Variants in TTC39C observed in about 807,000 individuals in gnomAD.
TTC39C encodes tetratricopeptide repeat domain 39C.
In TTC39C, 33 loss-of-function variants were observed where a neutral mutation model predicts 76.3. That is an observed-to-expected ratio of 0.43 (90% CI 0.33 to 0.58). The LOEUF is 0.58. TTC39C is among the 20% of genes least tolerant of loss of function. TTC39C has a pLI of 0.04. For missense variants in TTC39C, 595 were observed against 701.4 expected (o/e 0.85, Z 1.71); for synonymous variants, 254 against 260.6 (o/e 0.97, Z 0.24).
At chr18:24,002,690 C>T (rs1241461987) in intron 1 of TTC39C, among the ~76,000 whole-genome samples, 1 of 152,152 alleles carries the variant, frequency 6.6e-6, no homozygotes, top group Non-Finnish European at 1.5e-5. Flanking sequence ...AGAACTTGCT[C>T]TCCCTCTGCA....
At chr18:24,128,750 T>C (rs926753206) in intron 10 of TTC39C, 136 bp from the exon 11 acceptor site, 10 of 635,494 alleles carry the variant, frequency 1.6e-5, no homozygotes, top group Middle Eastern at 3.2e-4. Context: ...ACATAACTTC[T>C]TTTATTAAGA....
upstream of TTC39C, among the ~76,000 whole-genome samples, chr18:24,012,035 G>C (rs989589724): frequency 6.6e-5 from 10 of 152,088 alleles, no homozygotes; most frequent in Non-Finnish European, 1.0e-4. Flanking sequence ...TTTATAACCT[G>C]ACATTTTTAT....
chr18:24,012,184 T>A (rs1166926790), upstream of TTC39C, among the ~76,000 whole-genome samples: 1 of 152,196 alleles, frequency 6.6e-6, no homozygotes, highest in African/African-American at 2.4e-5. Context: ...TTTGTATCCC[T>A]CACCACGGGC....
chr18:24,079,589 A>G (rs2084350991), intron 4 of TTC39C, among the ~76,000 whole-genome samples: 3 of 152,228 alleles, frequency 2.0e-5, no homozygotes, highest in Admixed American at 2.0e-4. Flanking sequence ...CATAAACCAA[A>G]TAAAGCAATT....
rs2083432499 is a variant in TTC39C, at chr18:24,014,922, G to T, written c.51G>T (p.Ser17=). ...CGCGGCGGCGGGACGACGGAGACTC[G>T]GACGCGGCAGCGGCGGCGGCGGCGC... ...QRPRRRDDGD[S]DAAAAAAAPL... is the part of the protein sequence containing the mutation. Residue 17 remains serine, a synonymous_variant, in exon 1 of 14, where the codon TCG becomes TCT. Coordinates refer to ENST00000317571, the MANE Select transcript of TTC39C (RefSeq NM_001135993.2). 1 of 1,518,774 alleles carries T rather than the reference G, an allele frequency of 6.6e-7. No homozygotes were observed. The highest frequency in any genetic ancestry group is 8.8e-7 in the Non-Finnish European group (1 of 1,133,442). 94.1% of individuals were successfully genotyped at this position (1,518,774 alleles called of 1,614,324 possible).
chr18:24,107,889 G>T (rs1184903881), intron 6 of TTC39C, among the ~76,000 whole-genome samples: 2 of 16,700 alleles, frequency 1.2e-4, no homozygotes, highest in African/African-American at 2.2e-4. Context: ...CTCCCAAGTA[G>T]GGGGGGGGGT....
In TTC39C at chr18:24,035,767, A is replaced by G. The variant is rs183161591; in HGVS notation, c.167+20729A>G. ...CTGTTGTTAGTGTCCTTTGATGCAGAAAAAATTTTAATTTTGATATAGATC... is the reference window on the plus strand; with the variant it reads ...CTGTTGTTAGTGTCCTTTGATGCAGGAAAAATTTTAATTTTGATATAGATC... On this transcript the variant is annotated intron_variant, in intron 1 of 13. Transcript: ENST00000317571. Among the ~76,000 whole-genome samples the G allele has an allele frequency of 1.2e-4, 18 of 152,322 alleles. No individual in the cohort carries two copies. In the East Asian group the frequency reaches 2.5e-3, roughly 21 times the overall value.
At chr18:24,092,420 GA>G (rs2084534699) in intron 6 of TTC39C, among the ~76,000 whole-genome samples, 1 of 152,058 alleles carries the variant, frequency 6.6e-6, no homozygotes, top group Non-Finnish European at 1.5e-5. Context: ...ATATGCACAA[GA>G]GAAATAAAAA....
chr18:24,108,949 A>G (rs1414683134), intron 6 of TTC39C, among the ~76,000 whole-genome samples: 6 of 152,166 alleles, frequency 3.9e-5, no homozygotes, highest in Admixed American at 3.9e-4. Context: ...GTTGGAAAAC[A>G]ATATTGTGGA....
At chr18:24,062,446 A>G (rs1414288394) in intron 1 of TTC39C, among the ~76,000 whole-genome samples, 1 of 152,190 alleles carries the variant, frequency 6.6e-6, no homozygotes, top group Non-Finnish European at 1.5e-5. Context: ...ATAGTAGGGT[A>G]GGGTAGGAGC....
intron 2 of TTC39C, among the ~76,000 whole-genome samples, chr18:24,064,799 A>C (rs1453724862): frequency 6.6e-6 from 1 of 152,210 alleles, no homozygotes; most frequent in East Asian, 1.9e-4. Context: ...GAAAAAGAGA[A>C]AGCATTTAGA....
intron 1 of TTC39C, among the ~76,000 whole-genome samples, chr18:24,045,284 G>A (rs374457019): frequency 6.3e-4 from 16 of 25,428 alleles, no homozygotes; most frequent in Admixed American, 1.1e-3. Context: ...AAAAAAAAAA[G>A]CATGTAGCGT....
At chr18:24,045,035 A>G (rs1599267449) in intron 1 of TTC39C, among the ~76,000 whole-genome samples, 1 of 152,088 alleles carries the variant, frequency 6.6e-6, no homozygotes, top group African/African-American at 2.4e-5. Context: ...TTGGGAGGCC[A>G]AGGCAGGCAG....
At chr18:24,126,267 A>G (rs1485052011) in intron 10 of TTC39C, among the ~76,000 whole-genome samples, 1 of 152,214 alleles carries the variant, frequency 6.6e-6, no homozygotes, top group Non-Finnish European at 1.5e-5. Flanking sequence ...TAGTATTGAC[A>G]GTGTAGACAT....
At chr18:23,999,603 G>T in intron 1 of TTC39C, among the ~76,000 whole-genome samples, 1 of 99,146 alleles carries the variant, frequency 1.0e-5, no homozygotes, top group East Asian at 2.1e-4. Context: ...GGAACAGCCG[G>T]TGCCCTGTGC....
At chr18:24,044,052 TTGTGTGTGTG>T (rs56233680) in intron 1 of TTC39C, among the ~76,000 whole-genome samples, 5,694 of 147,868 alleles carry the variant, frequency 0.039, 254 homozygotes, top group African/African-American at 0.1. Flanking sequence ...TTGTGTATGT[TTGTGTGTGTG>T]TGTGTGTGTG....
chr18:24,119,976 T>A (rs2145817971), intron 8 of TTC39C, among the ~76,000 whole-genome samples: 1 of 137,468 alleles, frequency 7.3e-6, no homozygotes, highest in South Asian at 2.5e-4. Context: ...CCCCCCCCAA[T>A]ATTTGGCAAT....
chr18:24,123,699 G>C (rs1281911657), intron 8 of TTC39C, 135 bp from the exon 9 acceptor site: 1 of 615,834 alleles, frequency 1.6e-6, no homozygotes. Flanking sequence ...GAACCACCAT[G>C]TCCAGCCCAT....
At chr18:24,102,538 G>A (rs2084690304) in intron 6 of TTC39C, among the ~76,000 whole-genome samples, 1 of 152,180 alleles carries the variant, frequency 6.6e-6, no homozygotes, top group South Asian at 2.1e-4. Context: ...GCTGTGGGTG[G>A]AGACGACTGG....
Sources: allele counts gnomAD v4.1 joint callset (sites outside exome capture counted in the v4.1 genomes callset), GRCh38; gene constraint gnomAD v4.1.1; transcripts MANE v1.5; gene names NCBI Gene and HGNC (gene_info 2026-07-23, HGNC 2026-07-21).